The following ANKRD30BL variants were observed in gnomAD, a reference collection of about 807,000 sequenced individuals.
ANKRD30BL encodes putative ankyrin repeat domain-containing protein 30B-like.
ANKRD30BL carries 20 observed loss-of-function variants against 18.4 expected under a neutral mutation model. The observed-to-expected ratio is 1.09, with a 90% CI of 0.77 to 1.58. The LOEUF (loss-of-function observed/expected upper bound fraction) is 1.58. Ranked by LOEUF, ANKRD30BL falls within the 40% of genes most tolerant of loss-of-function variation. The probability of loss-of-function intolerance (pLI) is 0.00; values close to 1 mark genes in which losing one functional copy is unlikely to be tolerated. For missense variants in ANKRD30BL, 224 were observed against 268.6 expected (o/e 0.83, Z 1.16); for synonymous variants, 72 against 100.9 (o/e 0.71, Z 1.72).
intron 1 of ANKRD30BL, among the ~76,000 whole-genome samples, chr2:132,200,421 A>G (rs1241290580): frequency 3.3e-5 from 5 of 152,158 alleles, no homozygotes; most frequent in African/African-American, 1.2e-4. Flanking sequence ...AAATCTCCTT[A>G]AGCTGATAAG....
At chr2:132,198,255 CCTTCTTTCTTTCT>C (rs1276196658) in intron 1 of ANKRD30BL, among the ~76,000 whole-genome samples, 10 of 138,184 alleles carry the variant, frequency 7.2e-5, no homozygotes, top group African/African-American at 3.1e-4. Flanking sequence ...ATTTACTATA[CCTTCTTTCTTTCT>C]TTTCTTTCTT....
upstream of ANKRD30BL, among the ~76,000 whole-genome samples, chr2:132,162,160 A>G (rs149780206): frequency 0.016 from 2,374 of 152,126 alleles, 241 homozygotes; most frequent in East Asian, 0.27. Context: ...TCAACCTGAG[A>G]TCCAGGAGCT....
chr2:132,200,944 GAGATAT>G (rs1209385945), intron 1 of ANKRD30BL, among the ~76,000 whole-genome samples: 1 of 152,146 alleles, frequency 6.6e-6, no homozygotes, highest in African/African-American at 2.4e-5. Flanking sequence ...TACCAAAACA[GAGATAT>G]AGATCAATGG....
chr2:132,222,073 C>T (rs566185238), intron 1 of ANKRD30BL, among the ~76,000 whole-genome samples: 79 of 137,338 alleles, frequency 5.8e-4, no homozygotes, highest in Admixed American at 1.2e-3. Flanking sequence ...CCGCCCCGTC[C>T]GGGAGGGAGG....
chr2:132,195,285 A>G (rs2104741605), intron 1 of ANKRD30BL, among the ~76,000 whole-genome samples: 2 of 152,312 alleles, frequency 1.3e-5, no homozygotes, highest in South Asian at 2.1e-4. Context: ...TTGTTATATG[A>G]CTATGACATG....
At chr2:132,225,309 A>C (rs1336909371) in intron 1 of ANKRD30BL, among the ~76,000 whole-genome samples, 1 of 152,030 alleles carries the variant, frequency 6.6e-6, no homozygotes, top group African/African-American at 2.4e-5. Context: ...CCTATGGTGG[A>C]AAAACAAATA....
chr2:132,186,231 T>G (rs1026051169), intron 1 of ANKRD30BL, among the ~76,000 whole-genome samples: 16 of 152,082 alleles, frequency 1.1e-4, no homozygotes, highest in Non-Finnish European at 2.1e-4. Context: ...AGGTAAATTT[T>G]GAAATAACTA....
chr2:132,154,812 T>C (rs1402419300), intron 3 of ANKRD30BL, 44 bp from the exon 4 acceptor site: 1 of 655,438 alleles, frequency 1.5e-6, no homozygotes, highest in East Asian at 2.8e-5. Flanking sequence ...AAATTACATA[T>C]TTCTCAGCTG....
At chr2:132,216,505 T>A (rs1679501910) in intron 1 of ANKRD30BL, among the ~76,000 whole-genome samples, 1 of 152,066 alleles carries the variant, frequency 6.6e-6, no homozygotes, top group Admixed American at 6.6e-5. Flanking sequence ...CTTTGAGGCC[T>A]ATGGTGGAAA....
intron 1 of ANKRD30BL, among the ~76,000 whole-genome samples, chr2:132,171,816 C>T (rs555111230): frequency 1.3e-5 from 2 of 152,264 alleles, no homozygotes; most frequent in East Asian, 1.9e-4. Flanking sequence ...CCTTTACCAC[C>T]GTTCATTTCC....
At chr2:132,202,193 A>T (rs1288791674) in intron 1 of ANKRD30BL, among the ~76,000 whole-genome samples, 1 of 152,148 alleles carries the variant, frequency 6.6e-6, no homozygotes, top group Admixed American at 6.6e-5. Flanking sequence ...CTAATGCTAG[A>T]TGACGAGTTA....
chr2:132,184,818 C>CTT (rs976214345), intron 1 of ANKRD30BL, among the ~76,000 whole-genome samples: 26 of 142,634 alleles, frequency 1.8e-4, no homozygotes, highest in African/African-American at 5.9e-4. Flanking sequence ...CTTCAAAATT[C>CTT]TTTTTTTTTT....
Position 132,201,796 on chromosome 2 carries a change from A to G in ANKRD30BL, n.442-44650T>C, listed in dbSNP as rs574967285. Among the ~76,000 whole-genome samples the G allele has an allele frequency of 2.6e-5, 4 of 152,352 alleles. No homozygotes were observed. In the East Asian group the frequency reaches 7.7e-4, roughly 29 times the overall value. ...ACCCAGCCATCCCATTACTGGGTATATACCCAAAGGACTATAAATCATGCA... is the reference window on the plus strand; with the variant it reads ...ACCCAGCCATCCCATTACTGGGTATGTACCCAAAGGACTATAAATCATGCA... On this transcript the variant is annotated intron_variant and non_coding_transcript_variant, in intron 1 of 4. Transcript: ENST00000470729.
At chr2:132,224,459 G>A (rs1054128883) in intron 1 of ANKRD30BL, among the ~76,000 whole-genome samples, 50 of 151,748 alleles carry the variant, frequency 3.3e-4, no homozygotes, top group Non-Finnish European at 5.9e-4. Flanking sequence ...GCCTTTGTTG[G>A]AAACGGGAAT....
chr2:132,245,892 T>C (rs1399944947), intron 1 of ANKRD30BL, among the ~76,000 whole-genome samples: 1 of 151,760 alleles, frequency 6.6e-6, no homozygotes, highest in East Asian at 1.9e-4. Context: ...GGAAACACTC[T>C]TTTTGGAGTA....
chr2:132,225,038 A>T (rs1679803855), intron 1 of ANKRD30BL, among the ~76,000 whole-genome samples: 2 of 151,960 alleles, frequency 1.3e-5, no homozygotes, highest in Non-Finnish European at 2.9e-5. Context: ...TTTGCATTCA[A>T]CTCAGAGACT....
chr2:132,164,759 A>C (rs994978675), upstream of ANKRD30BL, among the ~76,000 whole-genome samples: 2 of 152,166 alleles, frequency 1.3e-5, no homozygotes, highest in Non-Finnish European at 2.9e-5. Context: ...TGCATATATT[A>C]AGTGACATTC....
intron 1 of ANKRD30BL, among the ~76,000 whole-genome samples, chr2:132,233,079 C>A (rs982794831): frequency 1.3e-5 from 2 of 151,920 alleles, no homozygotes; most frequent in South Asian, 4.2e-4. Context: ...CATATCCAGC[C>A]AAACAAAGCT....
intron 1 of ANKRD30BL, chr2:132,256,980 G>A (rs747383333): frequency 2.0e-6 from 1 of 508,720 alleles, no homozygotes; most frequent in South Asian, 1.4e-5. Flanking sequence ...CCTCAGGCAC[G>A]GCCGGGCCAC....
Sources: allele counts gnomAD v4.1 joint callset (sites outside exome capture counted in the v4.1 genomes callset), GRCh38; gene constraint gnomAD v4.1.1; transcripts MANE v1.5; gene names NCBI Gene and HGNC (gene_info 2026-07-23, HGNC 2026-07-21).